The following SHF variants were observed in gnomAD, a reference collection of about 807,000 sequenced individuals.
The protein encoded by SHF is SH2 domain-containing adapter protein F.
In SHF, 30 loss-of-function variants were observed where a neutral mutation model predicts 42.4. The ratio of observed to expected loss-of-function variants is 0.71; its 90% CI spans 0.53 to 0.96. The LOEUF is 0.96. Among genes scored for constraint, SHF ranks in the 40% least tolerant of loss-of-function variants. The pLI is 0.00. For missense variants in SHF, 598 were observed against 634.0 expected (o/e 0.94, Z 0.61); for synonymous variants, 264 against 269.9 (o/e 0.98, Z 0.21).
chr15:45,183,281 A>G (rs886828256), intron 1 of SHF, among the ~76,000 whole-genome samples: 2 of 152,096 alleles, frequency 1.3e-5, no homozygotes, highest in Non-Finnish European at 2.9e-5. Context: ...ATCTGGGGAT[A>G]GTAGTAGAAT....
intron 2 of SHF, among the ~76,000 whole-genome samples, chr15:45,176,219 A>C (rs1276981841): frequency 3.3e-5 from 5 of 152,008 alleles, no homozygotes; most frequent in African/African-American, 4.8e-5. Flanking sequence ...AGTTACGTTC[A>C]TCATCATAAA....
At chr15:45,180,277 C>T (rs1898059068) in intron 1 of SHF, among the ~76,000 whole-genome samples, 2 of 152,176 alleles carry the variant, frequency 1.3e-5, no homozygotes, top group Admixed American at 1.3e-4. Context: ...CTCCTTCTGC[C>T]AGGAAGTAGA....
rs371128005 is a variant in SHF at position 45,200,509 on chromosome 15, G to A, written c.-47+218C>T. 111 of 353,030 alleles carry A rather than the reference G, an allele frequency of 3.1e-4. No homozygotes were observed. The East Asian group carries it at 5.1e-3, about 16-fold the overall frequency. 21.9% of individuals were successfully genotyped at this position (353,030 alleles called of 1,614,324 possible). A position where few individuals can be genotyped will look rare whatever the true frequency, so the allele number is the denominator to read the frequency against. On this transcript the variant is annotated intron_variant, in intron 1 of 7. Transcript: ENST00000290894. ...CGAGCTACTAGGGACACAGGACCTCGGCTTGTCGCCTGAACTCTTCTCTGT... is the reference window on the plus strand; with the variant it reads ...CGAGCTACTAGGGACACAGGACCTCAGCTTGTCGCCTGAACTCTTCTCTGT...
chr15:45,194,362 G>GT (rs763761327), intron 2 of SHF, among the ~76,000 whole-genome samples: 112 of 151,512 alleles, frequency 7.4e-4, no homozygotes, highest in Non-Finnish European at 1.5e-3. Flanking sequence ...GTTTTGTTTT[G>GT]TTTTTTTGAG....
intron 2 of SHF, among the ~76,000 whole-genome samples, chr15:45,175,882 G>A (rs951070775): frequency 3.4e-5 from 5 of 146,562 alleles, no homozygotes; most frequent in Non-Finnish European, 3.0e-5. Flanking sequence ...GCAATGGCAC[G>A]ATCTCGGCTC....
At chr15:45,169,147 C>T (rs1316742445) in intron 6 of SHF, among the ~76,000 whole-genome samples, 2 of 152,148 alleles carry the variant, frequency 1.3e-5, no homozygotes, top group Admixed American at 1.3e-4. Flanking sequence ...AAAGCAGAAC[C>T]AGTGAGGGAG....
At chr15:45,188,184 A>T (rs1450789495), upstream of SHF, among the ~76,000 whole-genome samples, 1 of 152,182 alleles carries the variant, frequency 6.6e-6, no homozygotes, top group African/African-American at 2.4e-5. Context: ...GCCCTGGGGC[A>T]GAGGATGCGA....
chr15:45,194,630 G>A (rs762233350), intron 2 of SHF, among the ~76,000 whole-genome samples: 2 of 152,028 alleles, frequency 1.3e-5, no homozygotes, highest in Non-Finnish European at 2.9e-5. Flanking sequence ...GGGATTACAG[G>A]CGTGAGCCAC....
chr15:45,171,687 G>A (rs982053465), intron 6 of SHF, 196 bp downstream of exon 6: 14 of 622,456 alleles, frequency 2.2e-5, no homozygotes, highest in South Asian at 6.0e-5. Context: ...TGGATGCTGC[G>A]GATCAACTAT....
chr15:45,186,913 C>T (rs1457057729), intron 1 of SHF, among the ~76,000 whole-genome samples: 1 of 152,244 alleles, frequency 6.6e-6, no homozygotes, highest in African/African-American at 2.4e-5. Context: ...AGGAGAAACC[C>T]GTCTTCACCT....
upstream of SHF, among the ~76,000 whole-genome samples, chr15:45,188,766 C>A (rs1193644316): frequency 1.3e-5 from 2 of 152,226 alleles, no homozygotes; most frequent in African/African-American, 2.4e-5. Flanking sequence ...CATTGTCAAT[C>A]AGATTAGTAA....
At chr15:45,180,935 G>A (rs555719525) in intron 1 of SHF, among the ~76,000 whole-genome samples, 1 of 152,342 alleles carries the variant, frequency 6.6e-6, no homozygotes, top group South Asian at 2.1e-4. Context: ...TCTGGATTGG[G>A]TGGGATCATA....
At chr15:45,199,599 C>T (rs1898999603) in intron 1 of SHF, among the ~76,000 whole-genome samples, 1 of 152,196 alleles carries the variant, frequency 6.6e-6, no homozygotes, top group Non-Finnish European at 1.5e-5. Context: ...CAGCTCATCT[C>T]TTGGCCCTCC....
upstream of SHF, among the ~76,000 whole-genome samples, chr15:45,192,662 C>T (rs1267783188): frequency 2.0e-5 from 3 of 152,286 alleles, no homozygotes; most frequent in South Asian, 2.1e-4. Context: ...TGAGCCACCG[C>T]GCCTGGCCCT....
intron 1 of SHF, 138 bp from the exon 2 acceptor site, chr15:45,178,444 C>T (rs1897945312): frequency 9.4e-7 from 1 of 1,068,290 alleles, no homozygotes; most frequent in Admixed American, 3.2e-5. Flanking sequence ...CAAAGGAAGG[C>T]TCTGAGCTTG....
At chr15:45,180,085 C>A (rs1898046875) in intron 1 of SHF, among the ~76,000 whole-genome samples, 1 of 152,126 alleles carries the variant, frequency 6.6e-6, no homozygotes, top group Non-Finnish European at 1.5e-5. Flanking sequence ...GCGTCTCTGC[C>A]TGCTTGTGGG....
intron 1 of SHF, among the ~76,000 whole-genome samples, chr15:45,182,291 T>C (rs796487993): frequency 1.3e-5 from 2 of 152,346 alleles, no homozygotes; most frequent in African/African-American, 4.8e-5. Context: ...TTCCTCTGTT[T>C]CTTTAGTTTA....
rs1567029439 is a variant in SHF, at chr15:45,172,249, CG to C, written c.1057del (p.Arg353AspfsTer13). On this transcript the variant is annotated frameshift_variant, in exon 5 of 7. Transcript: ENST00000690270. LOFTEE classifies it high-confidence loss of function. ...TGACTTGGGGTTCCCTGCAGAGAGT[CG>C]GGGAGGTAGCCGCCCCTTCTCCTCC... ...GREEKGRLPP[R>X]LSAGNPKSAK... is the part of the protein sequence containing the mutation. The C allele has an allele frequency of 6.2e-7, 1 of 1,613,484 alleles. No individual in the cohort carries two copies. Among genetic ancestry groups the C allele is most frequent in the Admixed American group, 1.7e-5 (1 of 59,968 alleles).
At position 45,167,963 on chromosome 15, in the gene SHF, G is replaced by T; in HGVS notation, c.1451C>A (p.Ala484Asp). ...GCTTCACATCTAAAGAGTCCGGATGGCCACAGGGTAGAGCAGGGACATGTG... is the reference window on the plus strand; with the variant it reads ...GCTTCACATCTAAAGAGTCCGGATGTCCACAGGGTAGAGCAGGGACATGTG... ...AEHMSLLYPV[A>D]IRTL is the part of the protein sequence containing the mutation. The change falls in exon 7 of 7, where the codon GCC (alanine) becomes GAC (aspartate). Residue 484 changes from alanine to aspartate, a missense_variant. Ala to Asp is a moderately radical substitution (Grantham distance 126). This residue lies in a region of SHF where 439 missense variants were observed against 524.6 expected (regional missense o/e 0.84). Transcript: ENST00000690270. 1.2e-6 allele frequency: 2 copies of T among 1,607,874 alleles called. No homozygotes were observed. The highest frequency in any genetic ancestry group is 1.7e-6 in the Non-Finnish European group (2 of 1,176,176).
Sources: allele counts gnomAD v4.1 joint callset (sites outside exome capture counted in the v4.1 genomes callset), GRCh38; gene constraint gnomAD v4.1.1; regional missense constraint gnomAD v4.1.1; transcripts MANE v1.5; gene names NCBI Gene and HGNC (gene_info 2026-07-23, HGNC 2026-07-21).